The following TTC31 variants were observed in gnomAD, a reference collection of about 807,000 sequenced individuals.
TTC31 encodes the protein tetratricopeptide repeat protein 31.
TTC31 carries 59 observed loss-of-function variants against 60.4 expected under a neutral mutation model. The observed-to-expected ratio is 0.98, with a 90% confidence interval of 0.79 to 1.21. The LOEUF (loss-of-function observed/expected upper bound fraction) is 1.21. TTC31 is among the 50% of genes most tolerant of loss of function. The pLI, the probability that TTC31 is intolerant of heterozygous loss-of-function variation, is 0.00. For missense variants in TTC31, 672 were observed against 646.9 expected, an observed-to-expected ratio of 1.04 and a Z score of -0.42; for synonymous variants, 225 against 249.6, an observed-to-expected ratio of 0.90 and a Z score of 0.93.
At chr2:74,489,810 G>A (rs1449036547) in intron 2 of TTC31, among the ~76,000 whole-genome samples, 3 of 152,172 alleles carry the variant, frequency 2.0e-5, no homozygotes, top group African/African-American at 4.8e-5. Context: ...CCCTTGGGAA[G>A]GCAGGAAAGC....
Position 74,483,269 on chromosome 2 carries a change from C to T in TTC31, c.41-53C>T, listed in dbSNP as rs192671393. 5.0e-6 allele frequency: 8 copies of T among 1,613,174 alleles called. No individual in the cohort carries two copies. In the Admixed American group the frequency reaches 1.2e-4, roughly 24 times the overall value. On this transcript the variant is annotated intron_variant, in intron 1 of 12. Transcript: ENST00000233623. ...AGTCGAGGGTAGAGTGGGGAGGACT[C>T]TAGCCCATCTGTCCCGAGCCCGCTG...
Position 74,491,314 on chromosome 2 carries a change from G to A in TTC31, c.623G>A (p.Gly208Glu), listed in dbSNP as rs530945582. 1,455 of 1,614,134 alleles carry A rather than the reference G, an allele frequency of 9.0e-4. 24 individuals carry two copies. The South Asian group carries it at 0.015, about 17-fold the overall frequency. The change falls in exon 7 of 13, where the codon GGA becomes GAA. Residue 208 changes from glycine to glutamate, a missense_variant. Coordinates refer to ENST00000233623, the MANE Select transcript of TTC31 (RefSeq NM_022492.6). ...GEPKASTTSD[G>E]DESPPSSPGN... ...TTCCAGGCCAGCACTACCTCAGATGGAGATGAGAGCCCCCCATCCAGCCCT... is the reference window on the plus strand; with the variant it reads ...TTCCAGGCCAGCACTACCTCAGATGAAGATGAGAGCCCCCCATCCAGCCCT...
rs764660108 is a variant in TTC31 at position 74,492,073 on chromosome 2, T to C, written c.928+18T>C. ...ACTGGCAAGTGAGATCCTTTCTCTC[T>C]CCGTCCTCACCCCACCCTCCCTGGG... On this transcript the variant is annotated intron_variant, in intron 9 of 12. Transcript: ENST00000233623. 1.6e-5 allele frequency: 26 copies of C among 1,614,074 alleles called. No homozygotes were observed. In the East Asian group the frequency reaches 5.8e-4, roughly 36 times the overall value.
At position 74,490,102 on chromosome 2, in the gene TTC31, C is replaced by T. The variant is rs138120822; in HGVS notation, c.207C>T (p.Ser69=). 367 of 1,592,408 alleles carry T rather than the reference C, an allele frequency of 2.3e-4. 2 individuals are homozygous for T. In the African/African-American group the frequency reaches 4.1e-3, roughly 18 times the overall value. Residue 69 remains serine (S), a synonymous_variant, in exon 3 of 13, where the codon AGC becomes AGT. Transcript: ENST00000233623. Reference sequence around the variant, plus strand: ...ACCGGATCCATGTGGATGGGAGCAGCGGGCGGCTGCAGCTGTGGCACCATG... The same window carrying T: ...ACCGGATCCATGTGGATGGGAGCAGTGGGCGGCTGCAGCTGTGGCACCATG... The part of the protein sequence containing the change: ...GLHRIHVDGS[S]GRLQLWHHDY...
intron 2 of TTC31, among the ~76,000 whole-genome samples, chr2:74,488,576 A>G (rs764558065): frequency 3.9e-5 from 6 of 152,186 alleles, no homozygotes; most frequent in Non-Finnish European, 4.4e-5. Context: ...AATGAGGGAG[A>G]GGTCCAAAGA....
At chr2:74,483,709 G>A (rs1383183303) in intron 2 of TTC31, 29 of 930,820 alleles carry the variant, frequency 3.1e-5, no homozygotes, top group Non-Finnish European at 1.6e-5. Flanking sequence ...GGGCGCGGTG[G>A]CTTGTGCCTG....
chr2:74,491,686 A>G lies in TTC31; in HGVS notation c.876+14A>G. The G allele has an allele frequency of 6.2e-7, 1 of 1,613,450 alleles. No individual in the cohort carries two copies. Among genetic ancestry groups the G allele is most frequent in the Non-Finnish European group, 8.5e-7 (1 of 1,179,620 alleles). On this transcript the variant is annotated intron_variant, in intron 8 of 12. Transcript: ENST00000233623. ...CCAAAGGTACAGGTGAGGTGGCTGAAGAACCTTATTCAGCTGGAACCGTGG... is the reference window on the plus strand; with the variant it reads ...CCAAAGGTACAGGTGAGGTGGCTGAGGAACCTTATTCAGCTGGAACCGTGG...
intron 2 of TTC31, among the ~76,000 whole-genome samples, chr2:74,488,099 C>T (rs1206851173): frequency 1.3e-5 from 2 of 152,014 alleles, no homozygotes; most frequent in Non-Finnish European, 2.9e-5. Context: ...TTCAGCCTCC[C>T]GAGTAGCTGG....
In TTC31 at chr2:74,485,516, G is replaced by T. The variant is rs568831496; in HGVS notation, c.129+2106G>T. On this transcript the variant is annotated intron_variant, in intron 2 of 12. Transcript: ENST00000233623. ...ATGGAGTTTTGCTCCCGTTGCCCAG[G>T]CTGGAGTGCAATGGTGTGATCTTGG... 1.2e-3 allele frequency among the ~76,000 whole-genome samples: 182 copies of T among 148,822 alleles called. 1 individual carries two copies. The highest frequency in any genetic ancestry group is 4.3e-3 in the African/African-American group (174 of 40,470).
chr2:74,483,927 G>A (rs1161590767), intron 2 of TTC31, among the ~76,000 whole-genome samples: 2 of 151,214 alleles, frequency 1.3e-5, no homozygotes, highest in Non-Finnish European at 2.9e-5. Flanking sequence ...CTGGGGAACG[G>A]TGAGACTCTG....
rs774303672 is a variant in TTC31, at chr2:74,483,334, G to T, written c.53G>T (p.Arg18Leu). The T allele has an allele frequency of 8.7e-6, 14 of 1,614,028 alleles. No individual in the cohort carries two copies. Among genetic ancestry groups the T allele is most frequent in the Non-Finnish European group, 1.1e-5 (13 of 1,180,046 alleles). ...VGRIKLDCSL[R>L]PSCPLEVAAA... ...TCCTTTCCTGTAGACTGCTCTCTAC[G>T]GCCCAGCTGCCCACTGGAGGTCGCT... The change falls in exon 2 of 13, where the codon CGG becomes CTG. Residue 18 changes from arginine (R) to leucine (L), a missense_variant. By Grantham distance (102) the Arg-to-Leu change is moderately radical. Transcript: ENST00000233623.
In TTC31 at chr2:74,491,333, C is replaced by T. The variant is rs1433854173; in HGVS notation, c.642C>T (p.Ser214=). 6.2e-7 allele frequency: 1 copy of T among 1,614,090 alleles called. No homozygotes were observed. The highest frequency in any genetic ancestry group is 8.5e-7 in the Non-Finnish European group (1 of 1,180,048). Residue 214 remains serine (S), a synonymous_variant, in exon 7 of 13, where the codon TCC becomes TCT. Transcript: ENST00000233623. ...TTSDGDESPP[S]SPGNPVQGQC... ...CAGATGGAGATGAGAGCCCCCCATC[C>T]AGCCCTGGAAACCCAGTTCAGGGAC...
chr2:74,490,812 G>C (rs1327815799), intron 5 of TTC31, 73 bp downstream of exon 5: 4 of 1,455,624 alleles, frequency 2.7e-6, no homozygotes, highest in Non-Finnish European at 3.8e-6. Context: ...AACTTTGTGG[G>C]AACAGGAGAG....
At chr2:74,490,827 C>G (rs1572962054) in intron 5 of TTC31, 88 bp downstream of exon 5, 4 of 1,363,414 alleles carry the variant, frequency 2.9e-6, no homozygotes, top group Non-Finnish European at 3.0e-6. Flanking sequence ...GGAGAGAGCT[C>G]AAGATGGCCT....
Position 74,490,461 on chromosome 2 carries a change from G to A in TTC31, c.450G>A (p.Leu150=). ...LLQVAMPQKL[L]VTEEEANRLA... ...AGGTGGCCATGCCCCAGAAGCTCCT[G>A]GTGACAGAAGAGGTGAGATTCTCAG... is the stretch of plus-strand genomic sequence containing the variant. The change falls in exon 4 of 13, where the codon CTG becomes CTA. Residue 150 remains leucine, a synonymous_variant. Transcript: ENST00000233623. The A allele has an allele frequency of 1.9e-6, 3 of 1,608,706 alleles. No individual in the cohort carries two copies. Among genetic ancestry groups the A allele is most frequent in the Non-Finnish European group, 2.5e-6 (3 of 1,177,484 alleles).
rs1249256481 is a variant in TTC31 at position 74,494,228 on chromosome 2, T to G, written c.*1010T>G. The G allele has an allele frequency of 6.6e-6, 1 of 152,276 alleles. No individual in the cohort carries two copies. Among genetic ancestry groups the G allele is most frequent in the Non-Finnish European group, 1.5e-5 (1 of 68,070 alleles). The allele number at this position is 152,276 out of a possible 1,614,324, so 9.4% of individuals were successfully genotyped here. On this transcript the variant is annotated 3_prime_UTR_variant, in exon 13 of 13. Transcript: ENST00000233623. The stretch of plus-strand genomic sequence containing the variant: ...ACCTTTCATCAGGATAAATGATTAT[T>G]GCTGCCCTGTGGGTCTTGCTCAATA...
chr2:74,490,714 C>G lies in TTC31; in HGVS notation c.521C>G (p.Ala174Gly), dbSNP rs1439996504. Residue 174 changes from alanine to glycine, a missense_variant, in exon 5 of 13, where the codon GCA becomes GGA. Coordinates refer to ENST00000233623, the MANE Select transcript of TTC31 (RefSeq NM_022492.6). ...VAEEERMKQK[A>G]EKKRLKKKRQ... ...GAGGAGGAGCGCATGAAACAGAAAG[C>G]AGAGAAAAAGCGACTCAAGAAGAAG... The G allele has an allele frequency of 6.2e-7, 1 of 1,609,988 alleles. No individual in the cohort carries two copies. Among genetic ancestry groups the G allele is most frequent in the Non-Finnish European group, 8.5e-7 (1 of 1,177,998 alleles).
chr2:74,490,987 T>C lies in TTC31; in HGVS notation c.547-141T>C, dbSNP rs1266027054. On this transcript the variant is annotated intron_variant, in intron 5 of 12. Coordinates refer to ENST00000233623, the MANE Select transcript of TTC31 (RefSeq NM_022492.6). ...TGAGGCCTCTTGCTGGTGCCTCTCT[T>C]GTCTGCTTTTTCACCTGCAAAATGA... 12 of 1,181,730 alleles carry C rather than the reference T, an allele frequency of 1.0e-5. No homozygotes were observed. In the Admixed American group the frequency reaches 1.7e-4, roughly 16 times the overall value. The allele number at this position is 1,181,730 out of a possible 1,614,324, so 73.2% of individuals were successfully genotyped here.
In TTC31 at chr2:74,483,573, G is replaced by A. The variant is rs529628097; in HGVS notation, c.129+163G>A. ...CCCTTGAGGATCTTAGGCAAGTGAG[G>A]GGCAGGGGATCAGGAGGATGATCCT... On this transcript the variant is annotated intron_variant, in intron 2 of 12. Coordinates refer to ENST00000233623, the MANE Select transcript of TTC31 (RefSeq NM_022492.6). The A allele has an allele frequency of 2.8e-4, 421 of 1,495,550 alleles. 1 individual carries two copies. The African/African-American group carries it at 4.1e-3, about 15-fold the overall frequency. 92.6% of individuals were successfully genotyped at this position (1,495,550 alleles called of 1,614,324 possible).
Sources: allele counts gnomAD v4.1 joint callset (sites outside exome capture counted in the v4.1 genomes callset), GRCh38; gene constraint gnomAD v4.1.1; transcripts MANE v1.5; gene names NCBI Gene and HGNC (gene_info 2026-07-23, HGNC 2026-07-21).